The following TRAF2 variants were observed in gnomAD, a reference collection of about 807,000 sequenced individuals.
TRAF2 encodes TNF receptor-associated factor 2.
In TRAF2, 6 loss-of-function variants were observed where a neutral mutation model predicts 55.6. The observed-to-expected ratio is 0.11, with a 90% CI of 0.06 to 0.21. TRAF2 has a LOEUF of 0.21. Ranked by LOEUF, TRAF2 falls within the 10% of genes least tolerant of loss-of-function variation. The probability of loss-of-function intolerance (pLI) is 1.00; values close to 1 mark genes in which losing one functional copy is unlikely to be tolerated. For synonymous variants in TRAF2, 329 were observed against 276.3 expected (o/e 1.19, Z -1.89); for missense variants, 561 against 684.5 (o/e 0.82, Z 2.01).
chr9:136,905,158 CTA>C (rs911576701), intron 4 of TRAF2, among the ~76,000 whole-genome samples: 13 of 152,332 alleles, frequency 8.5e-5, no homozygotes, highest in African/African-American at 1.9e-4. Flanking sequence ...AGCCAGCTCT[CTA>C]TGGAGCTGCT....
At chr9:136,896,803 T>A (rs1849690166) in intron 1 of TRAF2, among the ~76,000 whole-genome samples, 2 of 152,036 alleles carry the variant, frequency 1.3e-5, no homozygotes, top group African/African-American at 4.8e-5. Context: ...AGAGACGGGG[T>A]TTCACCGTGT....
chr9:136,908,628 AG>A (rs1487526003), intron 5 of TRAF2, among the ~76,000 whole-genome samples: 1 of 152,164 alleles, frequency 6.6e-6, no homozygotes, highest in Non-Finnish European at 1.5e-5. Context: ...GCACTTTGGG[AG>A]GCCGAGGCGG....
At position 136,921,074 on chromosome 9, in the gene TRAF2, C is replaced by T. The variant is rs752223170; in HGVS notation, c.997C>T (p.Leu333=). 6.2e-7 allele frequency: 1 copy of T among 1,614,070 alleles called. No homozygotes were observed. Among genetic ancestry groups the T allele is most frequent in the Non-Finnish European group, 8.5e-7 (1 of 1,180,004 alleles). ...GGAGAGGAGCATTGGCCTCAAGGAC[C>T]TGGCGATGGCTGACTTGGAGCAGAA... is the stretch of plus-strand genomic sequence containing the variant. ...QLERSIGLKD[L]AMADLEQKVL... The change falls in exon 9 of 11, where the codon CTG becomes TTG. Residue 333 remains leucine, a synonymous_variant. Transcript: ENST00000247668.
At chr9:136,916,189 C>T (rs1377700744) in intron 6 of TRAF2, among the ~76,000 whole-genome samples, 1 of 152,060 alleles carries the variant, frequency 6.6e-6, no homozygotes, top group Non-Finnish European at 1.5e-5. Context: ...GAGCAGTGGG[C>T]GTTTGATTCT....
chr9:136,901,803 G>A (rs986780815), intron 4 of TRAF2: 1 of 152,220 alleles, frequency 6.6e-6, no homozygotes, highest in African/African-American at 2.4e-5. Context: ...GGTTGGAATT[G>A]GACCTGCATT....
At chr9:136,899,863 A>T (rs1241950082) in intron 3 of TRAF2, among the ~76,000 whole-genome samples, 191 bp downstream of exon 3, 2 of 152,026 alleles carry the variant, frequency 1.3e-5, no homozygotes, top group Non-Finnish European at 2.9e-5. Context: ...TGTCTCTACA[A>T]AAAGCAAAAA....
Position 136,911,846 on chromosome 9 carries a change from C to CTTTTTTTTTTTTTTTTTT in TRAF2, c.603+1856_603+1873dup, listed in dbSNP as rs71492143. ...GCGTGCTTGGGATTTTCTCTTATCT[C>CTTTTTTTTTTTTTTTTTT]TTTTTTTTTTTTTTTTTTTTTGAGA... On this transcript the variant is annotated intron_variant, in intron 6 of 10. Coordinates refer to ENST00000247668, the MANE Select transcript of TRAF2 (RefSeq NM_021138.4). 1.3e-4 allele frequency among the ~76,000 whole-genome samples: 9 copies of CTTTTTTTTTTTTTTTTTT among 71,452 alleles called. 2 individuals carry two copies. The highest frequency in any genetic ancestry group is 2.5e-4 in the African/African-American group (4 of 15,714). 46.9% of individuals were successfully genotyped at this position (71,452 alleles called of 152,430 possible).
intron 3 of TRAF2, among the ~76,000 whole-genome samples, chr9:136,900,179 AAAAG>A (rs1276750617): frequency 1.6e-5 from 2 of 126,024 alleles, no homozygotes; most frequent in Non-Finnish European, 3.2e-5. Context: ...TAAAAAAAAA[AAAAG>A]AATAAAGGGC....
intron 6 of TRAF2, among the ~76,000 whole-genome samples, chr9:136,913,927 G>C (rs985590003): frequency 6.6e-6 from 1 of 152,134 alleles, no homozygotes; most frequent in Non-Finnish European, 1.5e-5. Context: ...ATGGGGCGGC[G>C]TATGTTGGGA....
chr9:136,884,552 A>C (rs916179874), upstream of TRAF2, among the ~76,000 whole-genome samples: 4 of 135,506 alleles, frequency 3.0e-5, no homozygotes, highest in African/African-American at 1.1e-4. Context: ...AGAGCAAGAC[A>C]CCGTCTCAAA....
At position 136,918,227 on chromosome 9, in the gene TRAF2, T is replaced by A. The variant is rs865797188; in HGVS notation, c.678+1612T>A. The stretch of plus-strand genomic sequence containing the variant: ...CTGTAATTTTTTTAGAGTGTTTTGT[T>A]TATATATATATATATATATATATAT... On this transcript the variant is annotated intron_variant, in intron 7 of 10. Coordinates refer to ENST00000247668, the MANE Select transcript of TRAF2 (RefSeq NM_021138.4). Among the ~76,000 whole-genome samples, 315 of 68,068 alleles carry A rather than the reference T, an allele frequency of 4.6e-3. 1 individual carries two copies. The highest frequency in any genetic ancestry group is 0.024 in the African/African-American group (301 of 12,574). The allele number at this position is 68,068 out of a possible 152,430, so 44.7% of individuals were successfully genotyped here. A position where few individuals can be genotyped will look rare whatever the true frequency, so the allele number is the denominator to read the frequency against.
At chr9:136,887,155 T>C (rs1033250989) in intron 1 of TRAF2, among the ~76,000 whole-genome samples, 1 of 151,438 alleles carries the variant, frequency 6.6e-6, no homozygotes, top group Middle Eastern at 3.2e-3. Flanking sequence ...GCTGGGAGGG[T>C]CGGGGGCAGC....
At chr9:136,924,763 G>T (rs1272657789) in intron 10 of TRAF2, among the ~76,000 whole-genome samples, 1 of 151,932 alleles carries the variant, frequency 6.6e-6, no homozygotes, top group Non-Finnish European at 1.5e-5. Flanking sequence ...TTGTTAAGAC[G>T]GAGTCTTGCT....
In TRAF2 at chr9:136,926,008, C is replaced by T. The variant is rs757186611; in HGVS notation, c.*107C>T. The T allele has an allele frequency of 2.5e-5, 33 of 1,337,728 alleles. No homozygotes were observed. The highest frequency in any genetic ancestry group is 1.4e-4 in the Admixed American group (8 of 56,580). The allele number at this position is 1,337,728 out of a possible 1,614,324, so 82.9% of individuals were successfully genotyped here. ...TCACTGTACAAGTGGGCAGGGGCCGCGCTTGGGCGCTTGGGAGGGTGTCGG... is the reference window on the plus strand; with the variant it reads ...TCACTGTACAAGTGGGCAGGGGCCGTGCTTGGGCGCTTGGGAGGGTGTCGG... On this transcript the variant is annotated 3_prime_UTR_variant, in exon 11 of 11. Transcript: ENST00000247668.
rs148589670 is a variant in TRAF2 at position 136,920,347 on chromosome 9, G to A, written c.792G>A (p.Ala264=). 1.6e-3 allele frequency: 2,536 copies of A among 1,614,114 alleles called. 9 individuals are homozygous for A. Among genetic ancestry groups the A allele is most frequent in the Middle Eastern group, 4.6e-3 (28 of 6,062 alleles). ...CCCTCTTGGGAGACCAGAGCCACGCGGGGTCAGAGCTCCTGCAGAGGTGCG... is the reference window on the plus strand; with the variant it reads ...CCCTCTTGGGAGACCAGAGCCACGCAGGGTCAGAGCTCCTGCAGAGGTGCG... ...AKPLLGDQSH[A]GSELLQRCES... is the part of the protein sequence containing the mutation. The change falls in exon 8 of 11, where the codon GCG becomes GCA. Residue 264 remains alanine, a synonymous_variant. Coordinates refer to ENST00000247668, the MANE Select transcript of TRAF2 (RefSeq NM_021138.4).
Position 136,920,339 on chromosome 9 carries a change from A to C in TRAF2, c.784A>C (p.Ser262Arg), listed in dbSNP as rs998991091. 1 of 1,614,084 alleles carries C rather than the reference A, an allele frequency of 6.2e-7. No homozygotes were observed. The highest frequency in any genetic ancestry group is 1.3e-5 in the African/African-American group (1 of 75,068). The change falls in exon 8 of 11, where the codon AGC (serine) becomes CGC (arginine). Residue 262 changes from serine to arginine, a missense_variant. Transcript: ENST00000247668. ...GGCAAAGCCCCTCTTGGGAGACCAGAGCCACGCGGGGTCAGAGCTCCTGCA... is the reference window on the plus strand; with the variant it reads ...GGCAAAGCCCCTCTTGGGAGACCAGCGCCACGCGGGGTCAGAGCTCCTGCA... ...LEAKPLLGDQ[S>R]HAGSELLQRC...
intron 4 of TRAF2, among the ~76,000 whole-genome samples, chr9:136,901,251 T>C (rs1166989963): frequency 6.6e-6 from 1 of 152,240 alleles, no homozygotes; most frequent in African/African-American, 2.4e-5. Flanking sequence ...CGCCAAGTTA[T>C]GCAGTCTTCC....
At chr9:136,886,206 A>G (rs1343229054), upstream of TRAF2, 1 of 167,466 alleles carries the variant, frequency 6.0e-6, no homozygotes, top group African/African-American at 2.4e-5. Flanking sequence ...CGGACCCCAC[A>G]GCGCAGCACC....
chr9:136,917,453 G>A (rs1022409393), intron 7 of TRAF2, among the ~76,000 whole-genome samples: 2 of 152,174 alleles, frequency 1.3e-5, no homozygotes, highest in African/African-American at 2.4e-5. Context: ...CCAGCACCTC[G>A]TGTCTTTGTC....
Sources: allele counts gnomAD v4.1 joint callset (sites outside exome capture counted in the v4.1 genomes callset), GRCh38; gene constraint gnomAD v4.1.1; transcripts MANE v1.5; gene names NCBI Gene and HGNC (gene_info 2026-07-23, HGNC 2026-07-21).